The following PSMD3 variants were observed in gnomAD, a reference collection of about 807,000 sequenced individuals.
The protein encoded by PSMD3 is proteasome 26S subunit, non-ATPase 3.
Under a neutral mutation model 62.8 loss-of-function variants are expected in PSMD3, and 5 were observed. That is an observed-to-expected ratio of 0.08 (90% CI 0.04 to 0.17). The LOEUF (loss-of-function observed/expected upper bound fraction) is 0.17, where lower values mean the gene tolerates loss of function less well. PSMD3 is among the 10% of genes least tolerant of loss of function. The probability of loss-of-function intolerance (pLI) is 1.00; values close to 1 mark genes in which losing one functional copy is unlikely to be tolerated. For missense variants in PSMD3, 524 were observed against 713.6 expected, an observed-to-expected ratio of 0.73 and a Z score of 3.03; for synonymous variants, 265 against 283.9, an observed-to-expected ratio of 0.93 and a Z score of 0.67.
chr17:39,994,939 T>C lies in PSMD3; in HGVS notation c.982-15T>C, dbSNP rs777689185. Reference sequence around the variant, plus strand: ...GGGCTCCCTGCCCACTGTGTTCCCCTGTCACTCTGTCCAGGTGCACAAGCT... The same window carrying C: ...GGGCTCCCTGCCCACTGTGTTCCCCCGTCACTCTGTCCAGGTGCACAAGCT... On this transcript the variant is annotated splice_polypyrimidine_tract_variant and intron_variant, in intron 6 of 11. Coordinates refer to ENST00000264639, the MANE Select transcript of PSMD3 (RefSeq NM_002809.4). 2 of 1,612,174 alleles carry C rather than the reference T, an allele frequency of 1.2e-6. No homozygotes were observed. Among genetic ancestry groups the C allele is most frequent in the South Asian group, 1.1e-5 (1 of 90,978 alleles).
In PSMD3 at chr17:39,996,483, G is replaced by C. The variant is rs1980788185; in HGVS notation, c.1476+145G>C. The C allele has an allele frequency of 1.7e-6, 2 of 1,179,384 alleles. No homozygotes were observed. Among genetic ancestry groups the C allele is most frequent in the African/African-American group, 1.5e-5 (1 of 65,434 alleles). The allele number at this position is 1,179,384 out of a possible 1,614,324, so 73.1% of individuals were successfully genotyped here. Reference sequence around the variant, plus strand: ...AAATCACTGAGCTGCAGCACAGGGGGCCCAGAATGGGGAGGGGACTTGGCC... The same window carrying C: ...AAATCACTGAGCTGCAGCACAGGGGCCCCAGAATGGGGAGGGGACTTGGCC... On this transcript the variant is annotated intron_variant, in intron 10 of 11. Transcript: ENST00000264639. This position sits in a 1 kb window ranked among gnomAD's most constrained non-coding sequence, Gnocchi z 5.1.
Position 39,997,874 on chromosome 17 carries a change from G to C in PSMD3, c.*293G>C, listed in dbSNP as rs547713552. 2.1e-6 allele frequency: 1 copy of C among 470,392 alleles called. No homozygotes were observed. Among genetic ancestry groups the C allele is most frequent in the Non-Finnish European group, 3.9e-6 (1 of 258,206 alleles). The allele number at this position is 470,392 out of a possible 1,614,324, so 29.1% of individuals were successfully genotyped here. A position where few individuals can be genotyped will look rare whatever the true frequency, so the allele number is the denominator to read the frequency against. ...AGTTCTGTGTACTCCTTTAGGGAGTGGGGGACTAGAACTGGGATGTCTTGG... is the reference window on the plus strand; with the variant it reads ...AGTTCTGTGTACTCCTTTAGGGAGTCGGGGACTAGAACTGGGATGTCTTGG... On this transcript the variant is annotated 3_prime_UTR_variant, in exon 12 of 12. Coordinates refer to ENST00000264639, the MANE Select transcript of PSMD3 (RefSeq NM_002809.4).
At chr17:39,997,450 T>G in intron 11 of PSMD3, 54 bp from the exon 12 acceptor site, 1 of 1,498,890 alleles carries the variant, frequency 6.7e-7, no homozygotes, top group Non-Finnish European at 8.9e-7. Context: ...CGGGCGAGTG[T>G]CTGGAAGGGC....
At position 39,996,370 on chromosome 17, in the gene PSMD3, G is replaced by T; in HGVS notation, c.1476+32G>T. The T allele has an allele frequency of 6.2e-7, 1 of 1,605,870 alleles. No homozygotes were observed. The highest frequency in any genetic ancestry group is 8.5e-7 in the Non-Finnish European group (1 of 1,175,390). On this transcript the variant is annotated intron_variant, in intron 10 of 11. Transcript: ENST00000264639. This position sits in a 1 kb window ranked among gnomAD's most constrained non-coding sequence, Gnocchi z 5.1. ...AGCCCGTGGCTGCAGAGTCACGCCT[G>T]GCAGCAGCACACCCCTCCCTCCACA... is the stretch of plus-strand genomic sequence containing the variant.
intron 1 of PSMD3, among the ~76,000 whole-genome samples, chr17:39,983,244 G>A (rs948734394): frequency 3.3e-5 from 5 of 152,104 alleles, no homozygotes; most frequent in African/African-American, 1.2e-4. Context: ...TGTTGGCCAG[G>A]CTGGTCTCCA....
At position 39,996,817 on chromosome 17, in the gene PSMD3, C is replaced by A; in HGVS notation, c.1476+479C>A. On this transcript the variant is annotated intron_variant, in intron 10 of 11. Transcript: ENST00000264639. The surrounding 1 kb of genome is among the most constrained non-coding windows in gnomAD (Gnocchi z 5.1). Reference sequence around the variant, plus strand: ...GGGTGAGCCCTTATCCTCAGTTAAGCACTGAGTTTGGCGCTGTTACTATTT... The same window carrying A: ...GGGTGAGCCCTTATCCTCAGTTAAGAACTGAGTTTGGCGCTGTTACTATTT... The A allele has an allele frequency of 2.2e-6, 1 of 461,582 alleles. No individual in the cohort carries two copies. The highest frequency in any genetic ancestry group is 3.3e-4 in the Middle Eastern group (1 of 3,076). The allele number at this position is 461,582 out of a possible 1,614,324, so 28.6% of individuals were successfully genotyped here.
rs113846858 is a variant in PSMD3 at position 39,997,694 on chromosome 17, C to T, written c.*113C>T. 2,017 of 1,261,434 alleles carry T rather than the reference C, an allele frequency of 1.6e-3. 3 individuals carry two copies. The highest frequency in any genetic ancestry group is 2.0e-3 in the Non-Finnish European group (1,798 of 893,564). The allele number at this position is 1,261,434 out of a possible 1,614,324, so 78.1% of individuals were successfully genotyped here. On this transcript the variant is annotated 3_prime_UTR_variant, in exon 12 of 12. Coordinates refer to ENST00000264639, the MANE Select transcript of PSMD3 (RefSeq NM_002809.4). ...CCACACACAGCTCATATGCTGCATT[C>T]GTGCAGGGGGTGGGGGTGCTGGGAG...
intron 1 of PSMD3, among the ~76,000 whole-genome samples, chr17:39,983,351 CAAATTTGGTAGTTTAA>C: frequency 6.6e-6 from 1 of 152,204 alleles, no homozygotes; most frequent in East Asian, 1.9e-4. Context: ...TTTAATGTTA[CAAATTTGGTAGTTTAA>C]AAATGTTTCC....
intron 1 of PSMD3, 40 bp downstream of exon 1, chr17:39,981,230 T>C (rs1360497534): frequency 6.5e-7 from 1 of 1,547,330 alleles, no homozygotes; most frequent in Non-Finnish European, 8.7e-7. Context: ...CGATCGCGGG[T>C]GACAGCGACC....
intron 1 of PSMD3, among the ~76,000 whole-genome samples, chr17:39,982,779 T>C (rs919331627): frequency 5.3e-5 from 8 of 152,238 alleles, no homozygotes; most frequent in Admixed American, 4.6e-4. Flanking sequence ...TACTCATTGA[T>C]TGCATTCCCT....
Position 39,984,105 on chromosome 17 carries a change from CAGG to C in PSMD3, c.221-186_221-184del, listed in dbSNP as rs773461935. Among the ~76,000 whole-genome samples, 8 of 145,196 alleles carry C rather than the reference CAGG, an allele frequency of 5.5e-5. No individual in the cohort carries two copies. The South Asian group carries it at 1.5e-3, about 27-fold the overall frequency. Reference sequence around the variant, plus strand: ...GTCCCAGCTACTCGGGAGGCTGAGGCAGGAGAATGGTGTGAACCCAGCAGGCAG... The same window carrying C: ...GTCCCAGCTACTCGGGAGGCTGAGGCAGAATGGTGTGAACCCAGCAGGCAG... On this transcript the variant is annotated intron_variant, in intron 1 of 11. Coordinates refer to ENST00000264639, the MANE Select transcript of PSMD3 (RefSeq NM_002809.4).
At chr17:39,997,297 C>T (rs758131303) in intron 10 of PSMD3, 33 bp from the exon 11 acceptor site, 3 of 1,610,196 alleles carry the variant, frequency 1.9e-6, no homozygotes, top group Non-Finnish European at 2.5e-6. Flanking sequence ...TGCTTCCTTC[C>T]CTCGCTCATC....
intron 6 of PSMD3, 87 bp from the exon 7 acceptor site, chr17:39,994,867 C>T (rs1980743618): frequency 3.4e-6 from 4 of 1,165,516 alleles, no homozygotes; most frequent in Non-Finnish European, 5.0e-6. Flanking sequence ...TTTCCCACTA[C>T]ATCTGGCAGA....
chr17:39,994,824 C>A, intron 6 of PSMD3, 130 bp from the exon 7 acceptor site: 1 of 752,978 alleles, frequency 1.3e-6, no homozygotes. Context: ...GCTTCCTCCT[C>A]TCTCTGGGCC....
intron 6 of PSMD3, among the ~76,000 whole-genome samples, chr17:39,991,741 G>T (rs1049002842): frequency 1.3e-5 from 2 of 152,088 alleles, no homozygotes; most frequent in Non-Finnish European, 2.9e-5. Context: ...AAAGAGAAAG[G>T]GTCTTAAAGA....
chr17:39,995,611 AGGAGG>A lies in PSMD3; in HGVS notation c.1320+88_1320+92del, dbSNP rs1980764240. The stretch of plus-strand genomic sequence containing the variant: ...GGCAGGAGTGGGAGGAGTTTGGCCA[AGGAGG>A]GGAATAGGTAAAGCAATGGCATAGT... On this transcript the variant is annotated intron_variant, in intron 9 of 11. Transcript: ENST00000264639. The surrounding 1 kb of genome is among the most constrained non-coding windows in gnomAD (Gnocchi z 4.1). 1 of 1,349,784 alleles carries A rather than the reference AGGAGG, an allele frequency of 7.4e-7. No individual in the cohort carries two copies. Among genetic ancestry groups the A allele is most frequent in the South Asian group, 1.2e-5 (1 of 83,604 alleles). 83.6% of individuals were successfully genotyped at this position (1,349,784 alleles called of 1,614,324 possible). A position where few individuals can be genotyped will look rare whatever the true frequency, so the allele number is the denominator to read the frequency against.
Position 39,996,207 on chromosome 17 carries a change from G to A in PSMD3, c.1345G>A (p.Ala449Thr). The stretch of plus-strand genomic sequence containing the variant: ...GGCCATCCGGGATGGTGTCATTGAG[G>A]CCAGCATCAACCACGAGAAGGGCTA... ...AKAIRDGVIE[A>T]SINHEKGYVQ... Residue 449 changes from alanine to threonine, a missense_variant, in exon 10 of 12, where the codon GCC becomes ACC. This residue lies in a region of PSMD3 where 76 missense variants were observed against 97.3 expected (regional missense o/e 0.78). Transcript: ENST00000264639. This position sits in a 1 kb window ranked among gnomAD's most constrained non-coding sequence, Gnocchi z 5.1. 1 of 1,613,872 alleles carries A rather than the reference G, an allele frequency of 6.2e-7. No individual in the cohort carries two copies. Among genetic ancestry groups the A allele is most frequent in the Non-Finnish European group, 8.5e-7 (1 of 1,180,010 alleles).
Position 39,988,697 on chromosome 17 carries a change from T to C in PSMD3, c.564T>C (p.Ser188=). 6.2e-7 allele frequency: 1 copy of C among 1,614,164 alleles called. No homozygotes were observed. The highest frequency in any genetic ancestry group is 8.5e-7 in the Non-Finnish European group (1 of 1,180,008). Reference sequence around the variant, plus strand: ...TTCCTCCCCAGGCACAGAAGATCTCTGATGATCTGATGCAGAAGATCAGTA... The same window carrying C: ...TTCCTCCCCAGGCACAGAAGATCTCCGATGATCTGATGCAGAAGATCAGTA... The part of the protein sequence containing the change: ...SKRYKEAQKI[S]DDLMQKISTQ... Residue 188 remains serine (S), a synonymous_variant, in exon 4 of 12, where the codon TCT becomes TCC. Coordinates refer to ENST00000264639, the MANE Select transcript of PSMD3 (RefSeq NM_002809.4).
chr17:39,996,002 C>T lies in PSMD3; in HGVS notation c.1321-181C>T. 5 of 699,942 alleles carry T rather than the reference C, an allele frequency of 7.1e-6. No homozygotes were observed. The highest frequency in any genetic ancestry group is 3.6e-5 in the South Asian group (2 of 55,494). 43.4% of individuals were successfully genotyped at this position (699,942 alleles called of 1,614,324 possible). A position where few individuals can be genotyped will look rare whatever the true frequency, so the allele number is the denominator to read the frequency against. ...GGCCTGGTGGCAGGTTCCTGTAATC[C>T]CAGCTACTTGGGAGGCTGAGGCAGG... On this transcript the variant is annotated intron_variant, in intron 9 of 11. Coordinates refer to ENST00000264639, the MANE Select transcript of PSMD3 (RefSeq NM_002809.4). This position sits in a 1 kb window ranked among gnomAD's most constrained non-coding sequence, Gnocchi z 5.1.
Sources: allele counts gnomAD v4.1 joint callset (sites outside exome capture counted in the v4.1 genomes callset), GRCh38; gene constraint gnomAD v4.1.1; regional missense constraint gnomAD v4.1.1; non-coding constraint Gnocchi (gnomAD v3.1); transcripts MANE v1.5; gene names NCBI Gene and HGNC (gene_info 2026-07-23, HGNC 2026-07-21).